The following C1orf21 variants were observed in gnomAD, a reference collection of about 807,000 sequenced individuals.
C1orf21 encodes the protein chromosome 1 open reading frame 21.
Under a neutral mutation model 18.7 loss-of-function variants are expected in C1orf21, and 3 were observed. The ratio of observed to expected loss-of-function variants is 0.16; its 90% CI spans 0.07 to 0.42. The LOEUF (loss-of-function observed/expected upper bound fraction) is 0.42. C1orf21 is among the 10% of genes least tolerant of loss of function. C1orf21 has a pLI of 0.99. For missense variants in C1orf21, 104 were observed against 143.6 expected (o/e 0.72, Z 1.41); for synonymous variants, 41 against 46.4 (o/e 0.88, Z 0.47).
At chr1:184,408,052 C>T (rs1458440537) in intron 1 of C1orf21, among the ~76,000 whole-genome samples, 1 of 152,152 alleles carries the variant, frequency 6.6e-6, no homozygotes, top group Non-Finnish European at 1.5e-5. Context: ...TCTGAGTTCT[C>T]ATTTTCACTT....
At chr1:184,598,273 A>C in intron 4 of C1orf21, 128 bp from the exon 5 acceptor site, 1 of 727,912 alleles carries the variant, frequency 1.4e-6, no homozygotes, top group South Asian at 1.9e-5. Flanking sequence ...ACTTCAGAGT[A>C]TTTCAGTGGA....
At chr1:184,515,974 G>A (rs765160880) in intron 3 of C1orf21, among the ~76,000 whole-genome samples, 3 of 151,964 alleles carry the variant, frequency 2.0e-5, no homozygotes, top group African/African-American at 2.4e-5. Flanking sequence ...CACCACGTCC[G>A]GCTAATTTTT....
chr1:184,608,218 C>T (rs1267342721), intron 5 of C1orf21, among the ~76,000 whole-genome samples: 2 of 152,192 alleles, frequency 1.3e-5, no homozygotes, highest in South Asian at 2.1e-4. Context: ...AGTGTCTTTA[C>T]ATTCTTCATA....
At chr1:184,564,789 G>C (rs1659012717) in intron 3 of C1orf21, among the ~76,000 whole-genome samples, 2 of 152,088 alleles carry the variant, frequency 1.3e-5, no homozygotes, top group Admixed American at 1.3e-4. Context: ...ACCTTAGCTG[G>C]GGTCTTTTCT....
Position 184,623,639 on chromosome 1 carries a change from G to A in C1orf21, c.*4083G>A, listed in dbSNP as rs1207489200. On this transcript the variant is annotated 3_prime_UTR_variant, in exon 6 of 6. Transcript: ENST00000235307. ...AGTGTGCCTGTGAGGGGCTGGGTTA[G>A]GCAGTCGGCTGTCACACTCACATGT... The A allele has an allele frequency of 6.6e-6, 1 of 152,554 alleles. No homozygotes were observed. The highest frequency in any genetic ancestry group is 1.5e-5 in the Non-Finnish European group (1 of 68,046). 9.5% of individuals were successfully genotyped at this position (152,554 alleles called of 1,614,324 possible).
At chr1:184,483,973 G>A (rs971050422) in intron 2 of C1orf21, among the ~76,000 whole-genome samples, 1 of 151,818 alleles carries the variant, frequency 6.6e-6, no homozygotes, top group African/African-American at 2.4e-5. Flanking sequence ...GCCCAGGCTG[G>A]AGTGCAGTGG....
At chr1:184,506,941 A>C (rs916964659) in intron 2 of C1orf21, among the ~76,000 whole-genome samples, 7 of 151,826 alleles carry the variant, frequency 4.6e-5, no homozygotes, top group African/African-American at 1.7e-4. Flanking sequence ...CATGCATATG[A>C]CTTTACAGAG....
At chr1:184,512,357 C>T (rs1571393113) in intron 3 of C1orf21, among the ~76,000 whole-genome samples, 2 of 152,148 alleles carry the variant, frequency 1.3e-5, no homozygotes, top group East Asian at 1.9e-4. Flanking sequence ...GTGTCTAGCA[C>T]CTAAGAGTTC....
intron 3 of C1orf21, chr1:184,542,746 A>T (rs1288262970): frequency 6.6e-6 from 1 of 152,228 alleles, no homozygotes; most frequent in African/African-American, 2.4e-5. Flanking sequence ...ATGTGCCAGT[A>T]ACAAGACAAG....
intron 3 of C1orf21, among the ~76,000 whole-genome samples, chr1:184,575,410 A>T (rs1387075796): frequency 6.6e-6 from 1 of 152,130 alleles, no homozygotes; most frequent in Non-Finnish European, 1.5e-5. Flanking sequence ...CTGTTAAAAT[A>T]TTGACTTCCC....
intron 3 of C1orf21, among the ~76,000 whole-genome samples, chr1:184,589,301 T>G (rs1042010837): frequency 3.9e-5 from 6 of 152,238 alleles, no homozygotes; most frequent in African/African-American, 1.4e-4. Context: ...ACAAAGAGAC[T>G]ACATTTGAGC....
At chr1:184,408,525 C>T (rs896408218) in intron 1 of C1orf21, 19 of 152,334 alleles carry the variant, frequency 1.2e-4, no homozygotes, top group African/African-American at 4.6e-4. Context: ...TGAGAAATCA[C>T]TGTTCTACTG....
intron 3 of C1orf21, among the ~76,000 whole-genome samples, chr1:184,535,455 G>A (rs1658537036): frequency 6.6e-6 from 1 of 152,144 alleles, no homozygotes; most frequent in South Asian, 2.1e-4. Context: ...AGATGTTTTT[G>A]TGCTCTCTGA....
At chr1:184,600,428 A>G (rs1228361339) in intron 5 of C1orf21, among the ~76,000 whole-genome samples, 1 of 152,082 alleles carries the variant, frequency 6.6e-6, no homozygotes, top group Non-Finnish European at 1.5e-5. Flanking sequence ...CAGCCTCCCA[A>G]AGTGCTGGGA....
At chr1:184,456,543 G>A (rs1657201130) in intron 1 of C1orf21, among the ~76,000 whole-genome samples, 1 of 152,080 alleles carries the variant, frequency 6.6e-6, no homozygotes, top group East Asian at 1.9e-4. Flanking sequence ...ATTCTTTTAC[G>A]GTAAAGACAG....
At chr1:184,615,928 T>A (rs1267566995) in intron 5 of C1orf21, among the ~76,000 whole-genome samples, 1 of 152,240 alleles carries the variant, frequency 6.6e-6, no homozygotes, top group Non-Finnish European at 1.5e-5. Context: ...AGTTATCATT[T>A]CTTTGTGTTG....
chr1:184,437,186 C>T (rs760260447), intron 1 of C1orf21, among the ~76,000 whole-genome samples: 4 of 152,136 alleles, frequency 2.6e-5, no homozygotes, highest in South Asian at 2.1e-4. Flanking sequence ...CTCTCTCTGT[C>T]TCCCTCTCGT....
chr1:184,583,944 C>T (rs75029849), intron 3 of C1orf21, among the ~76,000 whole-genome samples: 1,806 of 152,186 alleles, frequency 0.012, 42 homozygotes, highest in African/African-American at 0.041. Flanking sequence ...GTTGCTTCGT[C>T]TGTCATCTCG....
intron 3 of C1orf21, among the ~76,000 whole-genome samples, chr1:184,552,371 T>C (rs1658824612): frequency 6.6e-6 from 1 of 152,188 alleles, no homozygotes; most frequent in Non-Finnish European, 1.5e-5. Flanking sequence ...CCTAAGAAAT[T>C]GGCAACTTTT....
Sources: allele counts gnomAD v4.1 joint callset (sites outside exome capture counted in the v4.1 genomes callset), GRCh38; gene constraint gnomAD v4.1.1; transcripts MANE v1.5; gene names NCBI Gene and HGNC (gene_info 2026-07-23, HGNC 2026-07-21).